SYNPO: variants seen among roughly 807,000 people sequenced by gnomAD.
SYNPO encodes the protein synaptopodin.
A neutral mutation model predicts 49.5 loss-of-function variants in SYNPO; 19 were observed. That is an observed-to-expected ratio of 0.38 (90% CI 0.27 to 0.56). The LOEUF (loss-of-function observed/expected upper bound fraction) is 0.56, where lower values mean the gene tolerates loss of function less well. SYNPO is among the 20% of genes least tolerant of loss of function. The probability of loss-of-function intolerance (pLI) is 0.68; values close to 1 mark genes in which losing one functional copy is unlikely to be tolerated. For synonymous variants in SYNPO, 536 were observed against 548.0 expected (o/e 0.98, Z 0.31); for missense variants, 1,131 against 1,248.3 (o/e 0.91, Z 1.42).
At chr5:150,601,716 G>A (rs1335411116) in intron 1 of SYNPO, among the ~76,000 whole-genome samples, 1 of 152,136 alleles carries the variant, frequency 6.6e-6, no homozygotes, top group African/African-American at 2.4e-5. Flanking sequence ...CCTGCTGGCT[G>A]CCCCCTGGGA....
chr5:150,605,467 G>T (rs1756664844), intron 1 of SYNPO, among the ~76,000 whole-genome samples: 1 of 151,872 alleles, frequency 6.6e-6, no homozygotes, highest in Admixed American at 6.6e-5. Context: ...TGGGATCAAT[G>T]TGGCAACAAG....
At chr5:150,633,403 G>A (rs965306698) in intron 2 of SYNPO, among the ~76,000 whole-genome samples, 16 of 152,208 alleles carry the variant, frequency 1.1e-4, no homozygotes, top group Admixed American at 7.2e-4. Flanking sequence ...AGTGTGTAGC[G>A]TTAGGGCTCT....
At chr5:150,591,692 A>G in the SYNPO span, among the ~76,000 whole-genome samples, 2 of 152,242 alleles carry the variant, frequency 1.3e-5, no homozygotes, top group South Asian at 2.1e-4. Flanking sequence ...AGATAGTAAC[A>G]CTCACCGTAC....
At chr5:150,624,266 C>T (rs1046468764) in intron 2 of SYNPO, among the ~76,000 whole-genome samples, 3 of 152,054 alleles carry the variant, frequency 2.0e-5, no homozygotes, top group Non-Finnish European at 4.4e-5. Context: ...TGAGACATAG[C>T]GGGGAAGATG....
At chr5:150,652,217 C>T in intron 2 of SYNPO, 2 of 1,000,768 alleles carry the variant, frequency 2.0e-6, no homozygotes, top group South Asian at 9.4e-5. Context: ...CCCCTGCTCC[C>T]TTCTACCCTT....
chr5:150,613,753 C>T (rs1347495638), intron 1 of SYNPO, among the ~76,000 whole-genome samples: 3 of 152,152 alleles, frequency 2.0e-5, no homozygotes, highest in Admixed American at 2.0e-4. Context: ...CGCCCTATAG[C>T]CTTCCACCTA....
In SYNPO at chr5:150,656,440, A is replaced by T; in HGVS notation, c.2065A>T (p.Thr689Ser). Reference sequence around the variant, plus strand: ...GAGCCTGCCCACCTCCCCACCCTGGACGCCGGGCGCGTCCCGGCCCCCCAG... The same window carrying T: ...GAGCCTGCCCACCTCCCCACCCTGGTCGCCGGGCGCGTCCCGGCCCCCCAG... ...RESLPTSPPWTPGASRPPSSL... is the reference protein window; with the variant it reads ...RESLPTSPPWSPGASRPPSSL... The change falls in exon 3 of 3, where the codon ACG becomes TCG. Residue 689 changes from threonine to serine, a missense_variant. Around this residue, in one of 4 missense-constraint regions of SYNPO, gnomAD observed 509 missense variants for 484.5 expected, o/e 1.05. Coordinates refer to ENST00000307662, the MANE Select transcript of SYNPO (RefSeq NM_007286.6). 6.5e-7 allele frequency: 1 copy of T among 1,531,492 alleles called. No individual in the cohort carries two copies. Among genetic ancestry groups the T allele is most frequent in the South Asian group, 1.2e-5 (1 of 83,632 alleles). 94.9% of individuals were successfully genotyped at this position (1,531,492 alleles called of 1,614,324 possible). A position where few individuals can be genotyped will look rare whatever the true frequency, so the allele number is the denominator to read the frequency against.
chr5:150,646,852 C>G (rs1000434567), intron 1 of SYNPO, among the ~76,000 whole-genome samples: 2 of 152,224 alleles, frequency 1.3e-5, no homozygotes, highest in African/African-American at 4.8e-5. Context: ...GGAAGGCACA[C>G]AGAAAATATT....
intron 1 of SYNPO, among the ~76,000 whole-genome samples, chr5:150,642,692 G>A (rs551036355): frequency 7.0e-4 from 107 of 152,326 alleles, no homozygotes; most frequent in African/African-American, 2.4e-3. Flanking sequence ...GAAGGGTGGC[G>A]AAAATCATCT....
chr5:150,630,165 G>T (rs971031043), intron 2 of SYNPO, among the ~76,000 whole-genome samples: 2 of 152,148 alleles, frequency 1.3e-5, no homozygotes, highest in African/African-American at 4.8e-5. Context: ...CAGTCACTGT[G>T]GGCATGGAAG....
At chr5:150,656,307 C>T (rs1758547786) in intron 2 of SYNPO, 97 bp from the exon 3 acceptor site, 1 of 1,021,906 alleles carries the variant, frequency 9.8e-7, no homozygotes, top group Non-Finnish European at 1.4e-6. Context: ...CTTCCCTTCT[C>T]GGTGTAATGG....
At chr5:150,608,775 G>A (rs1756763242) in intron 1 of SYNPO, among the ~76,000 whole-genome samples, 1 of 152,164 alleles carries the variant, frequency 6.6e-6, no homozygotes, top group Admixed American at 6.5e-5. Context: ...AATTTGTCTG[G>A]GGTGTGGCCA....
At chr5:150,635,218 C>T (rs756492387) in intron 2 of SYNPO, among the ~76,000 whole-genome samples, 17 of 152,386 alleles carry the variant, frequency 1.1e-4, no homozygotes, top group Admixed American at 2.6e-4. Flanking sequence ...TTTATGTGTA[C>T]GTCCTGCCCC....
chr5:150,647,643 C>T (rs1192253610), intron 1 of SYNPO, among the ~76,000 whole-genome samples: 1 of 152,126 alleles, frequency 6.6e-6, no homozygotes, highest in Non-Finnish European at 1.5e-5. Context: ...GGTGTTCGTA[C>T]TCAGTTTGGT....
At chr5:150,623,074 G>A (rs560971006) in intron 2 of SYNPO, among the ~76,000 whole-genome samples, 187 of 152,304 alleles carry the variant, frequency 1.2e-3, no homozygotes, top group African/African-American at 4.4e-3. Context: ...GCTGCCACAT[G>A]TGAACACGTC....
chr5:150,634,432 A>G (rs910892809), intron 2 of SYNPO, among the ~76,000 whole-genome samples: 1 of 152,182 alleles, frequency 6.6e-6, no homozygotes, highest in East Asian at 1.9e-4. Context: ...GACTTTGGTG[A>G]CACGTGAGGA....
the SYNPO span, among the ~76,000 whole-genome samples, chr5:150,590,475 C>T: frequency 1.3e-5 from 2 of 152,244 alleles, no homozygotes; most frequent in African/African-American, 4.8e-5. Context: ...CTGGGTGAGA[C>T]AGCAGAGGGG....
chr5:150,640,189 G>A (rs776359707), upstream of SYNPO: 5 of 984,940 alleles, frequency 5.1e-6, no homozygotes, highest in Non-Finnish European at 6.0e-6. Flanking sequence ...ACAAGGTGGT[G>A]GTTATTAAGT....
At chr5:150,591,886 C>T in the SYNPO span, among the ~76,000 whole-genome samples, 1 of 152,194 alleles carries the variant, frequency 6.6e-6, no homozygotes, top group African/African-American at 2.4e-5. Context: ...AGATAAAATA[C>T]AAGATGCCCT....
Sources: gnomAD v4.1 joint callset for allele counts (sites outside exome capture counted in the v4.1 genomes callset) on GRCh38, gnomAD v4.1.1 for gene constraint, gnomAD v4.1.1 regional missense constraint, MANE v1.5 for transcripts, NCBI Gene and HGNC (gene_info 2026-07-23, HGNC 2026-07-21) for gene names.